The following GALNT13 variants were observed in gnomAD, a reference collection of about 807,000 sequenced individuals.
GALNT13 encodes the protein UDP-GalNAc:polypeptide N-acetylgalactosaminyltransferase 13.
Under a neutral mutation model 64.2 loss-of-function variants are expected in GALNT13, and 28 were observed. The ratio of observed to expected loss-of-function variants is 0.44; its 90% CI spans 0.32 to 0.60. The LOEUF (loss-of-function observed/expected upper bound fraction) is 0.60, where lower values mean the gene tolerates loss of function less well. Ranked by LOEUF, GALNT13 falls within the 20% of genes least tolerant of loss-of-function variation. GALNT13 has a pLI of 0.05. For synonymous variants in GALNT13, 214 were observed against 224.6 expected (o/e 0.95, Z 0.42); for missense variants, 577 against 669.8 (o/e 0.86, Z 1.53).
the GALNT13 span, among the ~76,000 whole-genome samples, chr2:153,157,987 G>T: frequency 3.9e-5 from 6 of 152,086 alleles, no homozygotes; most frequent in Admixed American, 2.6e-4. Flanking sequence ...AAATAGTTAA[G>T]AAAGTATTGA....
At chr2:153,381,735 T>TA in the GALNT13 span, among the ~76,000 whole-genome samples, 1 of 152,086 alleles carries the variant, frequency 6.6e-6, no homozygotes, top group East Asian at 1.9e-4. Context: ...CAGTTAACCT[T>TA]AAAAATGTCT....
At chr2:153,078,527 G>A in the GALNT13 span, among the ~76,000 whole-genome samples, 7 of 151,878 alleles carry the variant, frequency 4.6e-5, no homozygotes, top group African/African-American at 1.2e-4. Context: ...GGCCAGACTC[G>A]TCTGAACTCC....
chr2:153,269,729 T>C, the GALNT13 span, among the ~76,000 whole-genome samples: 1 of 43,540 alleles, frequency 2.3e-5, no homozygotes, highest in African/African-American at 1.8e-4. Context: ...AGGAGTTTAA[T>C]TGACACACTT....
the GALNT13 span, among the ~76,000 whole-genome samples, chr2:153,335,760 A>G: frequency 6.6e-6 from 1 of 152,220 alleles, no homozygotes; most frequent in Non-Finnish European, 1.5e-5. Context: ...AGTAGCAAGG[A>G]GCCTAATGTT....
the GALNT13 span, among the ~76,000 whole-genome samples, chr2:153,454,595 T>TCACATTACGTTACATTA: frequency 6.6e-6 from 1 of 152,208 alleles, no homozygotes; most frequent in Non-Finnish European, 1.5e-5. Context: ...TACAATGCAT[T>TCACATTACGTTACATTA]CACATTACGT....
chr2:153,378,950 C>T, the GALNT13 span, among the ~76,000 whole-genome samples: 1 of 151,950 alleles, frequency 6.6e-6, no homozygotes, highest in Non-Finnish European at 1.5e-5. Context: ...TTTGGTGTTT[C>T]CTCTTAAGCT....
At chr2:153,715,051 G>A in the GALNT13 span, among the ~76,000 whole-genome samples, 1 of 150,262 alleles carries the variant, frequency 6.7e-6, no homozygotes, top group African/African-American at 2.5e-5. Context: ...TCATTCCATC[G>A]CACCATGGCT....
At chr2:154,009,632 A>G (rs1696491746) in intron 3 of GALNT13, among the ~76,000 whole-genome samples, 1 of 151,846 alleles carries the variant, frequency 6.6e-6, no homozygotes, top group Non-Finnish European at 1.5e-5. Flanking sequence ...CTGGGACTAC[A>G]TGTGCCACCA....
At chr2:154,125,681 A>G (rs1682220930) in intron 3 of GALNT13, among the ~76,000 whole-genome samples, 1 of 152,164 alleles carries the variant, frequency 6.6e-6, no homozygotes, top group Non-Finnish European at 1.5e-5. Flanking sequence ...AAGGAAAAAG[A>G]TTTTTTGTCA....
At chr2:154,074,470 T>C (rs2105397608) in intron 3 of GALNT13, among the ~76,000 whole-genome samples, 1 of 152,078 alleles carries the variant, frequency 6.6e-6, no homozygotes, top group East Asian at 1.9e-4. Flanking sequence ...TAGATACTAT[T>C]ACCATAATTT....
chr2:153,834,236 A>G, the GALNT13 span, among the ~76,000 whole-genome samples: 1 of 152,122 alleles, frequency 6.6e-6, no homozygotes, highest in African/African-American at 2.4e-5. Flanking sequence ...GCTGGACACC[A>G]TGCTAAAATG....
intron 8 of GALNT13, among the ~76,000 whole-genome samples, chr2:154,277,137 T>C (rs537796192): frequency 6.6e-6 from 1 of 152,318 alleles, no homozygotes; most frequent in Non-Finnish European, 1.5e-5. Context: ...ATGAATGAAG[T>C]ATTACTAAAG....
At chr2:153,512,726 ATAAT>A in the GALNT13 span, among the ~76,000 whole-genome samples, 7 of 152,214 alleles carry the variant, frequency 4.6e-5, no homozygotes, top group African/African-American at 7.2e-5. Context: ...CATAATGATG[ATAAT>A]TAGTCATTTT....
At chr2:154,311,935 T>C (rs1466896739) in intron 9 of GALNT13, among the ~76,000 whole-genome samples, 10 of 152,222 alleles carry the variant, frequency 6.6e-5, no homozygotes, top group Non-Finnish European at 2.9e-5. Flanking sequence ...TCTCTCTTAT[T>C]CCCTGAACAA....
At chr2:153,574,377 A>G in the GALNT13 span, among the ~76,000 whole-genome samples, 2 of 152,064 alleles carry the variant, frequency 1.3e-5, no homozygotes, top group East Asian at 3.9e-4. Flanking sequence ...TCTTGCAGAT[A>G]TTGATATCTA....
Position 154,450,550 on chromosome 2 carries a change from G to C in GALNT13, c.1670G>C (p.Ter557SerextTer39). The C allele has an allele frequency of 6.3e-7, 1 of 1,597,752 alleles. No individual in the cohort carries two copies. Among genetic ancestry groups the C allele is most frequent in the Non-Finnish European group, 8.5e-7 (1 of 1,174,490 alleles). Residue 557 changes from the stop codon to serine, a stop_lost, in exon 13 of 13, where the codon TGA becomes TCA. Coordinates refer to ENST00000392825, the MANE Select transcript of GALNT13 (RefSeq NM_052917.4). ...CTAAGGAACATGACCTTGGGCACATGAAGATCATGTCCTCCAAGCCATGAA... is the reference window on the plus strand; with the variant it reads ...CTAAGGAACATGACCTTGGGCACATCAAGATCATGTCCTCCAAGCCATGAA... ...WLLRNMTLGT[*>S]
At chr2:153,962,216 G>A (rs1477948144) in intron 3 of GALNT13, among the ~76,000 whole-genome samples, 2 of 152,086 alleles carry the variant, frequency 1.3e-5, no homozygotes, top group East Asian at 3.9e-4. Context: ...CCTGCCTTAT[G>A]TTACATTGTA....
chr2:153,502,563 T>C, the GALNT13 span, among the ~76,000 whole-genome samples: 1 of 152,250 alleles, frequency 6.6e-6, no homozygotes, highest in Non-Finnish European at 1.5e-5. Context: ...TGTGCAAGTC[T>C]CTTTTGTGTA....
At chr2:153,258,983 T>C in the GALNT13 span, among the ~76,000 whole-genome samples, 18 of 152,210 alleles carry the variant, frequency 1.2e-4, no homozygotes, top group Non-Finnish European at 2.4e-4. Flanking sequence ...ACAGTGCTGA[T>C]ATGTCTGATG....
Sources: allele counts gnomAD v4.1 joint callset (sites outside exome capture counted in the v4.1 genomes callset), GRCh38; gene constraint gnomAD v4.1.1; transcripts MANE v1.5; gene names NCBI Gene and HGNC (gene_info 2026-07-23, HGNC 2026-07-21).